Variants in SPATA13 observed in about 807,000 individuals in gnomAD.
SPATA13 encodes spermatogenesis-associated protein 13.
In SPATA13, 50 loss-of-function variants were observed where a neutral mutation model predicts 104.0. That is an observed-to-expected ratio of 0.48 (90% CI 0.38 to 0.61). The LOEUF (loss-of-function observed/expected upper bound fraction) is 0.61, where lower values mean the gene tolerates loss of function less well. Among genes scored for constraint, SPATA13 ranks in the 20% least tolerant of loss-of-function variants. The probability of loss-of-function intolerance (pLI) is 0.00; values close to 1 mark genes in which losing one functional copy is unlikely to be tolerated. For missense variants in SPATA13, 1,524 were observed against 1,690.6 expected, an observed-to-expected ratio of 0.90 and a Z score of 1.73; for synonymous variants, 606 against 667.5, an observed-to-expected ratio of 0.91 and a Z score of 1.42.
At chr13:24,008,903 G>C (rs2137683099) in intron 2 of SPATA13, among the ~76,000 whole-genome samples, 1 of 152,352 alleles carries the variant, frequency 6.6e-6, no homozygotes, top group South Asian at 2.1e-4. Flanking sequence ...AGGGAAGAGG[G>C]GGGAAAGCAT....
intron 3 of SPATA13, among the ~76,000 whole-genome samples, chr13:24,100,229 T>G (rs189247542): frequency 1.3e-5 from 2 of 152,334 alleles, no homozygotes; most frequent in Admixed American, 1.3e-4. Flanking sequence ...TCTTTCAATG[T>G]GTTTACTGAA....
intron 3 of SPATA13, among the ~76,000 whole-genome samples, chr13:24,133,182 A>C (rs1451738818): frequency 1.3e-5 from 2 of 150,938 alleles, no homozygotes. Flanking sequence ...TGTGCAGCCT[A>C]TACAGACCAG....
chr13:24,228,110 T>TTTTTC lies in SPATA13; in HGVS notation c.1653+3532_1653+3533insCTTTT, dbSNP rs1317177348. On this transcript the variant is annotated intron_variant, in intron 2 of 12. Transcript: ENST00000382108. ...TAGGGTTTCTCCCCTCTTGTACTCT[T>TTTTTC]TTTTTTTTTTTTTTTTTTTTTGAGA... Among the ~76,000 whole-genome samples, 903 of 65,340 alleles carry TTTTTC rather than the reference T, an allele frequency of 0.014. 76 individuals carry two copies. The East Asian group carries it at 0.31, about 23-fold the overall frequency. 42.9% of individuals were successfully genotyped at this position (65,340 alleles called of 152,430 possible). A position where few individuals can be genotyped will look rare whatever the true frequency, so the allele number is the denominator to read the frequency against.
At chr13:24,054,599 A>G (rs1271446848) in intron 3 of SPATA13, among the ~76,000 whole-genome samples, 1 of 152,236 alleles carries the variant, frequency 6.6e-6, no homozygotes, top group African/African-American at 2.4e-5. Flanking sequence ...CCCAAAACAC[A>G]AACTCTAAGA....
chr13:24,151,628 T>C (rs1882102181), intron 3 of SPATA13, among the ~76,000 whole-genome samples: 3 of 152,104 alleles, frequency 2.0e-5, no homozygotes, highest in African/African-American at 4.8e-5. Context: ...TTTTTAAGAG[T>C]GTTGGGTCTG....
At chr13:24,224,621 C>T (rs1040898733) in intron 2 of SPATA13, 39 bp downstream of exon 2, 3 of 1,534,690 alleles carry the variant, frequency 2.0e-6, no homozygotes, top group Admixed American at 2.0e-5. Context: ...GGGCGACCCT[C>T]CTGCGGGAAG....
intron 4 of SPATA13, among the ~76,000 whole-genome samples, chr13:24,258,704 TG>T (rs1355244030): frequency 6.6e-6 from 1 of 152,000 alleles, no homozygotes; most frequent in African/African-American, 2.4e-5. Context: ...GTTAGAGATA[TG>T]AGTGAGGAAT....
chr13:24,160,686 C>T (rs2138483464), upstream of SPATA13: 1 of 967,636 alleles, frequency 1.0e-6, no homozygotes, highest in Admixed American at 6.7e-5. Flanking sequence ...GGGGCGTGGC[C>T]TGGTGGGGAG....
chr13:24,246,149 G>A (rs948656808), intron 2 of SPATA13, among the ~76,000 whole-genome samples: 2 of 152,170 alleles, frequency 1.3e-5, no homozygotes, highest in Non-Finnish European at 2.9e-5. Flanking sequence ...AGGGCTGCAC[G>A]TCCATTTGTG....
At chr13:24,019,140 G>C (rs987468066) in intron 3 of SPATA13, among the ~76,000 whole-genome samples, 1 of 148,892 alleles carries the variant, frequency 6.7e-6, no homozygotes, top group Non-Finnish European at 1.5e-5. Context: ...CCAGGCTGGA[G>C]TGCAGTGGCG....
intron 2 of SPATA13, among the ~76,000 whole-genome samples, chr13:24,233,068 A>G (rs1434307083): frequency 6.6e-6 from 1 of 152,158 alleles, no homozygotes; most frequent in Admixed American, 6.5e-5. Flanking sequence ...TTTTTAATAT[A>G]TGAACATCTG....
At chr13:24,278,618 C>G in intron 4 of SPATA13, 1 of 1,458,734 alleles carries the variant, frequency 6.9e-7, no homozygotes, top group South Asian at 1.4e-5. Context: ...TTACAGGGTG[C>G]TTTCATGTAT....
chr13:24,248,929 G>T (rs1873316348), intron 2 of SPATA13, among the ~76,000 whole-genome samples: 1 of 151,698 alleles, frequency 6.6e-6, no homozygotes, highest in Non-Finnish European at 1.5e-5. Context: ...ACCCAGGCTG[G>T]AGTGTGGTGG....
At chr13:24,242,492 A>G (rs1872897085) in intron 2 of SPATA13, among the ~76,000 whole-genome samples, 1 of 152,234 alleles carries the variant, frequency 6.6e-6, no homozygotes, top group Non-Finnish European at 1.5e-5. Context: ...TGGAGGGGTC[A>G]TGTCTAGTGC....
rs577870044 is a variant in SPATA13, at chr13:24,161,911, T to C, written c.-112+979T>C. Among the ~76,000 whole-genome samples the C allele has an allele frequency of 5.3e-5, 8 of 152,326 alleles. No individual in the cohort carries two copies. In the South Asian group the frequency reaches 6.2e-4, roughly 12 times the overall value. On this transcript the variant is annotated intron_variant, in intron 1 of 12. Transcript: ENST00000382108. This position sits in a 1 kb window ranked among gnomAD's most constrained non-coding sequence, Gnocchi z 4.5. ...TGTTTTCTTCTCTGTGAACCTTTCC[T>C]GGTCACCCAGCGATTTGCTCTCCTT...
chr13:23,991,764 C>A (rs1460575528), intron 2 of SPATA13, among the ~76,000 whole-genome samples: 2 of 152,038 alleles, frequency 1.3e-5, no homozygotes, highest in Non-Finnish European at 2.9e-5. Flanking sequence ...TGTAGACAAT[C>A]AGATTAGGGA....
rs536989353 is a variant in SPATA13 at position 24,168,898 on chromosome 13, A to G, written c.-112+7966A>G. Among the ~76,000 whole-genome samples, 175 of 152,308 alleles carry G rather than the reference A, an allele frequency of 1.1e-3. 1 individual carries two copies. The highest frequency in any genetic ancestry group is 4.1e-3 in the African/African-American group (170 of 41,570). ...ATACTAAAAAATAAAAAGCCCACAC[A>G]GTATTCTTTAAATGGTATGTTTTAC... On this transcript the variant is annotated intron_variant, in intron 1 of 12. Coordinates refer to ENST00000382108, the MANE Select transcript of SPATA13 (RefSeq NM_001166271.3).
At chr13:24,037,117 A>G (rs1395356607) in intron 3 of SPATA13, among the ~76,000 whole-genome samples, 1 of 146,716 alleles carries the variant, frequency 6.8e-6, no homozygotes, top group African/African-American at 2.5e-5. Flanking sequence ...CCACTTGCTA[A>G]TTTTTAATTA....
At chr13:24,299,137 G>A (rs564122891) in intron 11 of SPATA13, among the ~76,000 whole-genome samples, 51 of 152,308 alleles carry the variant, frequency 3.3e-4, no homozygotes, top group African/African-American at 1.0e-3. Context: ...AGTTTTAGTC[G>A]TCATATGACG....
Sources: allele counts gnomAD v4.1 joint callset (sites outside exome capture counted in the v4.1 genomes callset), GRCh38; gene constraint gnomAD v4.1.1; non-coding constraint Gnocchi (gnomAD v3.1); transcripts MANE v1.5; gene names NCBI Gene and HGNC (gene_info 2026-07-23, HGNC 2026-07-21).